ARMC9: variants seen among roughly 807,000 people sequenced by gnomAD.
ARMC9 encodes the protein lisH domain-containing protein ARMC9.
Under a neutral mutation model 107.0 loss-of-function variants are expected in ARMC9, and 94 were observed. That is an observed-to-expected ratio of 0.88 (90% CI 0.74 to 1.04). The LOEUF is 1.04. Ranked by LOEUF, ARMC9 falls within the 50% of genes least tolerant of loss-of-function variation. The pLI, the probability that ARMC9 is intolerant of heterozygous loss-of-function variation, is 0.00. For synonymous variants in ARMC9, 380 were observed against 396.9 expected, an observed-to-expected ratio of 0.96 and a Z score of 0.51; for missense variants, 942 against 1,030.1, an observed-to-expected ratio of 0.91 and a Z score of 1.17.
intron 5 of ARMC9, among the ~76,000 whole-genome samples, chr2:231,217,630 A>G (rs553618952): frequency 6.6e-6 from 1 of 152,056 alleles, no homozygotes; most frequent in East Asian, 1.9e-4. Flanking sequence ...CAACCTAACA[A>G]TTTTTACATT....
intron 24 of ARMC9, chr2:231,371,152 G>T: frequency 1.9e-6 from 1 of 526,490 alleles, no homozygotes; most frequent in Non-Finnish European, 3.7e-6. Flanking sequence ...CTGGGGCAGG[G>T]ATCCCCAGTC....
At chr2:231,248,755 C>T (rs1431010026) in intron 9 of ARMC9, among the ~76,000 whole-genome samples, 2 of 143,800 alleles carry the variant, frequency 1.4e-5, no homozygotes, top group South Asian at 2.2e-4. Context: ...TGCAGTTAGC[C>T]GAGATCATGC....
intron 19 of ARMC9, among the ~76,000 whole-genome samples, chr2:231,321,576 G>A (rs2042996424): frequency 6.6e-6 from 1 of 152,166 alleles, no homozygotes; most frequent in African/African-American, 2.4e-5. Context: ...TCAGGAGTGT[G>A]TCCAGTCCTG....
intron 20 of ARMC9, among the ~76,000 whole-genome samples, chr2:231,342,075 A>G (rs2044549455): frequency 6.6e-6 from 1 of 152,154 alleles, no homozygotes; most frequent in African/African-American, 2.4e-5. Context: ...CCTTCAGCCC[A>G]CAAAGGCTTC....
intron 1 of ARMC9, among the ~76,000 whole-genome samples, chr2:231,201,653 C>T (rs917550236): frequency 6.6e-6 from 1 of 152,264 alleles, no homozygotes; most frequent in Non-Finnish European, 1.5e-5. Flanking sequence ...TTCCTCACTG[C>T]TCTGCAGCCG....
chr2:231,303,527 C>T (rs1008002777), intron 19 of ARMC9, among the ~76,000 whole-genome samples: 4 of 152,194 alleles, frequency 2.6e-5, no homozygotes, highest in Admixed American at 2.6e-4. Flanking sequence ...AAGAAAGTTT[C>T]CCTCTGTTCC....
intron 12 of ARMC9, among the ~76,000 whole-genome samples, chr2:231,270,048 T>G (rs2125429810): frequency 6.6e-6 from 1 of 152,200 alleles, no homozygotes; most frequent in African/African-American, 2.4e-5. Context: ...GGCCGTTTGC[T>G]GGGAACCTCT....
intron 10 of ARMC9, among the ~76,000 whole-genome samples, chr2:231,258,533 G>A (rs1422823825): frequency 1.3e-5 from 2 of 152,022 alleles, no homozygotes; most frequent in African/African-American, 2.4e-5. Context: ...ATATTCCCCC[G>A]GTCCAGTAGC....
chr2:231,355,778 T>TTTTCATGTTTCATG lies in ARMC9; in HGVS notation c.1995-17_1995-16insCATGTTTCATGTTT. 11 of 1,521,116 alleles carry TTTTCATGTTTCATG rather than the reference T, an allele frequency of 7.2e-6. No homozygotes were observed. Among genetic ancestry groups the TTTTCATGTTTCATG allele is most frequent in the Non-Finnish European group, 7.0e-6 (8 of 1,135,516 alleles). 94.2% of individuals were successfully genotyped at this position (1,521,116 alleles called of 1,614,324 possible). Reference sequence around the variant, plus strand: ...TCCTGGCTGGCTGTACTCACTGCCGTTTTTCATGTTTTTCTCCAGGGTGGA... The same window carrying TTTTCATGTTTCATG: ...TCCTGGCTGGCTGTACTCACTGCCGTTTTCATGTTTCATGTTTTCATGTTTTTCTCCAGGGTGGA... On this transcript the variant is annotated intron_variant, in intron 21 of 24. Coordinates refer to ENST00000611582, the MANE Select transcript of ARMC9 (RefSeq NM_001352754.2).
chr2:231,274,241 C>G (rs551030814), intron 14 of ARMC9, among the ~76,000 whole-genome samples: 39 of 152,166 alleles, frequency 2.6e-4, no homozygotes, highest in Non-Finnish European at 4.9e-4. Context: ...CCTCAAACTC[C>G]TGGGTAGCTG....
At position 231,214,960 on chromosome 2, in the gene ARMC9, C is replaced by G; in HGVS notation, c.307C>G (p.His103Asp). 6.2e-7 allele frequency: 1 copy of G among 1,614,120 alleles called. No individual in the cohort carries two copies. The highest frequency in any genetic ancestry group is 1.3e-5 in the African/African-American group (1 of 75,020). ...GAAGCTGGAATTCTATCTCCACATC[C>G]ATTTTGCCATCTATCTTTTGAAGTA... ...AQKLEFYLHI[H>D]FAIYLLKYSV... The change falls in exon 4 of 25, where the codon CAT becomes GAT. Residue 103 changes from histidine (H) to aspartate (D), a missense_variant. His to Asp is a moderately conservative substitution (Grantham distance 81). Transcript: ENST00000611582.
At chr2:231,361,645 C>T (rs906721222) in intron 23 of ARMC9, among the ~76,000 whole-genome samples, 1 of 152,072 alleles carries the variant, frequency 6.6e-6, no homozygotes, top group African/African-American at 2.4e-5. Flanking sequence ...GAAACCTGCT[C>T]AGGGAGAGGG....
intron 19 of ARMC9, among the ~76,000 whole-genome samples, chr2:231,307,902 G>T (rs1029813437): frequency 6.6e-6 from 1 of 152,242 alleles, no homozygotes; most frequent in Non-Finnish European, 1.5e-5. Flanking sequence ...ATAGGTTCCA[G>T]ATTGAAACTG....
intron 19 of ARMC9, among the ~76,000 whole-genome samples, chr2:231,313,798 A>G (rs1298953244): frequency 6.6e-6 from 1 of 151,826 alleles, no homozygotes; most frequent in East Asian, 1.9e-4. Context: ...CTTGTCACGC[A>G]GGCTGGAGTG....
In ARMC9 at chr2:231,296,084, T is replaced by C. The variant is rs1032883633; in HGVS notation, c.1718-114T>C. 54 of 658,226 alleles carry C rather than the reference T, an allele frequency of 8.2e-5. 1 individual carries two copies. Among genetic ancestry groups the C allele is most frequent in the Non-Finnish European group, 1.3e-4 (51 of 397,620 alleles). 40.8% of individuals were successfully genotyped at this position (658,226 alleles called of 1,614,324 possible). On this transcript the variant is annotated intron_variant, in intron 18 of 24. Transcript: ENST00000611582. ...AGGATGGTTAGGAGCATGATGACTTTGATGTAACCTCATTCTCATTAAGGT... is the reference window on the plus strand; with the variant it reads ...AGGATGGTTAGGAGCATGATGACTTCGATGTAACCTCATTCTCATTAAGGT...
intron 1 of ARMC9, among the ~76,000 whole-genome samples, chr2:231,202,908 G>A (rs1455873169): frequency 6.6e-6 from 1 of 152,086 alleles, no homozygotes; most frequent in African/African-American, 2.4e-5. Context: ...GCAGACTTGG[G>A]GGGTATGCCT....
intron 3 of ARMC9, among the ~76,000 whole-genome samples, chr2:231,209,566 C>G (rs538647926): frequency 1.3e-5 from 2 of 152,244 alleles, no homozygotes; most frequent in African/African-American, 4.8e-5. Flanking sequence ...GACGGAGTTG[C>G]GCTCTGTTGC....
In ARMC9 at chr2:231,297,667, A is replaced by G. The variant is rs975144597; in HGVS notation, c.1773+1414A>G. On this transcript the variant is annotated intron_variant, in intron 19 of 24. Transcript: ENST00000611582. The surrounding 1 kb of genome is among the most constrained non-coding windows in gnomAD (Gnocchi z 4.2). ...CAAAAATCATTCTTAGCTGGCGAGC[A>G]TAGGAAAGCAGGCACCTGACTCGTG... 3.3e-5 allele frequency among the ~76,000 whole-genome samples: 5 copies of G among 152,234 alleles called. No individual in the cohort carries two copies. Among genetic ancestry groups the G allele is most frequent in the Non-Finnish European group, 7.3e-5 (5 of 68,048 alleles).
At chr2:231,275,956 G>GA (rs555650058) in intron 14 of ARMC9, among the ~76,000 whole-genome samples, 29 of 148,990 alleles carry the variant, frequency 1.9e-4, no homozygotes, top group Non-Finnish European at 2.8e-4. Context: ...TCCGTCTCAG[G>GA]AAAAAAAAAC....
Sources: allele counts gnomAD v4.1 joint callset (sites outside exome capture counted in the v4.1 genomes callset), GRCh38; gene constraint gnomAD v4.1.1; non-coding constraint Gnocchi (gnomAD v3.1); transcripts MANE v1.5; gene names NCBI Gene and HGNC (gene_info 2026-07-23, HGNC 2026-07-21).